PDE7A: variants seen among roughly 807,000 people sequenced by gnomAD.
PDE7A encodes the protein phosphodiesterase 7A.
A neutral mutation model predicts 64.3 loss-of-function variants in PDE7A; 39 were observed. The observed-to-expected ratio is 0.61, with a 90% CI of 0.47 to 0.79. The LOEUF (loss-of-function observed/expected upper bound fraction) is 0.79, where lower values mean the gene tolerates loss of function less well. PDE7A is among the 30% of genes least tolerant of loss of function. PDE7A has a pLI of 0.00. For missense variants in PDE7A, 470 were observed against 582.8 expected (o/e 0.81, Z 1.99); for synonymous variants, 203 against 206.8 (o/e 0.98, Z 0.16).
intron 7 of PDE7A, among the ~76,000 whole-genome samples, chr8:65,729,963 T>C (rs1427000320): frequency 1.3e-5 from 2 of 151,756 alleles, no homozygotes; most frequent in African/African-American, 2.4e-5. Flanking sequence ...GACAAGGCGG[T>C]CCTCGCAGGG....
chr8:65,798,179 C>CATATATATATAT (rs1218978698), intron 1 of PDE7A, among the ~76,000 whole-genome samples: 5 of 118,910 alleles, frequency 4.2e-5, no homozygotes, highest in African/African-American at 1.5e-4. Flanking sequence ...TGTGTGTGTG[C>CATATATATATAT]ATATATATAT....
chr8:65,836,926 C>A (rs1416692539), intron 1 of PDE7A, among the ~76,000 whole-genome samples: 1 of 152,184 alleles, frequency 6.6e-6, no homozygotes, highest in Non-Finnish European at 1.5e-5. Flanking sequence ...CCTACATTCA[C>A]CCATTTGTCT....
chr8:65,775,133 T>C (rs914439851), intron 3 of PDE7A, among the ~76,000 whole-genome samples: 2 of 152,212 alleles, frequency 1.3e-5, no homozygotes, highest in African/African-American at 4.8e-5. Context: ...TCTTTATCTG[T>C]GGTGTTTTCC....
rs372361066 is a variant in PDE7A at position 65,788,856 on chromosome 8, C to T, written c.139-6013G>A. 16 of 1,452,292 alleles carry T rather than the reference C, an allele frequency of 1.1e-5. No homozygotes were observed. The African/African-American group carries it at 2.1e-4, about 19-fold the overall frequency. 90.0% of individuals were successfully genotyped at this position (1,452,292 alleles called of 1,614,324 possible). On this transcript the variant is annotated intron_variant, in intron 1 of 12. Coordinates refer to ENST00000401827, the MANE Select transcript of PDE7A (RefSeq NM_001242318.3). ...ATATGTAAACTAATGATGAATGTCA[C>T]CATCCTAAAAATAAAGATGGCCTAC... is the stretch of plus-strand genomic sequence containing the variant.
chr8:65,827,803 A>G (rs1266900281), intron 1 of PDE7A, among the ~76,000 whole-genome samples: 1 of 152,206 alleles, frequency 6.6e-6, no homozygotes, highest in African/African-American at 2.4e-5. Flanking sequence ...AGGCTATGCT[A>G]TCTAGATTTG....
At chr8:65,817,792 G>T (rs1330083332) in intron 1 of PDE7A, among the ~76,000 whole-genome samples, 1 of 138,950 alleles carries the variant, frequency 7.2e-6, no homozygotes, top group Admixed American at 7.7e-5. Flanking sequence ...TCACTCTGTC[G>T]CCCAGGCTGG....
At chr8:65,730,171 C>CTTCTTTTTTTTTTTTTTTTTTTTTTTTTT (rs1295965698) in intron 7 of PDE7A, among the ~76,000 whole-genome samples, 2 of 86,448 alleles carry the variant, frequency 2.3e-5, no homozygotes, top group African/African-American at 9.6e-5. Context: ...TTGCGCACTT[C>CTTCTTTTTTTTTTTTTTTTTTTTTTTTTT]TTTTTTTTTT....
chr8:65,741,230 C>T (rs1464065585), intron 5 of PDE7A, among the ~76,000 whole-genome samples: 3 of 152,188 alleles, frequency 2.0e-5, no homozygotes, highest in African/African-American at 7.2e-5. Flanking sequence ...AAGTAGACTA[C>T]ATCCTTCACA....
In PDE7A at chr8:65,716,169, G is replaced by A. The variant is rs1585813176; in HGVS notation, c.*3121C>T. Among the ~76,000 whole-genome samples the A allele has an allele frequency of 6.1e-5, 9 of 147,648 alleles. No homozygotes were observed. In the South Asian group the frequency reaches 1.5e-3, roughly 25 times the overall value. On this transcript the variant is annotated 3_prime_UTR_variant, in exon 13 of 13. Transcript: ENST00000401827. The stretch of plus-strand genomic sequence containing the variant: ...GTCTCAAAAAAAAAAAAAAACAAAA[G>A]GGCTATAGAAGGTGATTCCCACATA...
intron 1 of PDE7A, among the ~76,000 whole-genome samples, chr8:65,816,262 A>G (rs1169458121): frequency 6.6e-6 from 1 of 152,248 alleles, no homozygotes; most frequent in African/African-American, 2.4e-5. Flanking sequence ...ATCACAGTCT[A>G]TTCTATGAAT....
chr8:65,719,664 C>T, intron 12 of PDE7A, 169 bp from the exon 13 acceptor site: 1 of 585,596 alleles, frequency 1.7e-6, no homozygotes, highest in South Asian at 2.2e-5. Flanking sequence ...ATGTACATAT[C>T]CACTTTGAAG....
At position 65,718,008 on chromosome 8, in the gene PDE7A, C is replaced by T. The variant is rs1048750500; in HGVS notation, c.*1282G>A. The T allele has an allele frequency of 2.6e-5, 4 of 152,158 alleles. No homozygotes were observed. The highest frequency in any genetic ancestry group is 7.2e-5 in the African/African-American group (3 of 41,432). The allele number at this position is 152,158 out of a possible 1,614,324, so 9.4% of individuals were successfully genotyped here. On this transcript the variant is annotated 3_prime_UTR_variant, in exon 13 of 13. Transcript: ENST00000401827. ...GTTTGTCCTAGAAAACATCTGTTCA[C>T]ATCAAAAGGCCCGTCAAAGGGTAAC...
At chr8:65,728,564 A>C (rs1405555772) in intron 7 of PDE7A, 2 of 152,234 alleles carry the variant, frequency 1.3e-5, no homozygotes, top group Non-Finnish European at 2.9e-5. Flanking sequence ...CCTCTTTAGG[A>C]TATACAAAAG....
chr8:65,745,300 G>C (rs1326567975), intron 5 of PDE7A, 107 bp downstream of exon 5: 1 of 725,036 alleles, frequency 1.4e-6, no homozygotes, highest in Non-Finnish European at 2.5e-6. Flanking sequence ...TTCCAGCAGA[G>C]GGCTAACAAC....
intron 7 of PDE7A, among the ~76,000 whole-genome samples, chr8:65,733,576 C>T (rs903281062): frequency 2.6e-5 from 4 of 151,954 alleles, no homozygotes; most frequent in Admixed American, 6.6e-5. Context: ...GCCATGATCA[C>T]GCCACTGCAC....
chr8:65,722,547 C>T (rs1158521077), intron 12 of PDE7A: 4 of 152,194 alleles, frequency 2.6e-5, no homozygotes, highest in African/African-American at 7.2e-5. Context: ...ACACCAGCTA[C>T]CAAAATTACA....
At chr8:65,756,677 C>T (rs963871628) in intron 3 of PDE7A, among the ~76,000 whole-genome samples, 1 of 151,972 alleles carries the variant, frequency 6.6e-6, no homozygotes, top group Non-Finnish European at 1.5e-5. Flanking sequence ...TCCATGTTTT[C>T]TTTTAGTTCA....
At chr8:65,727,826 CTG>C (rs975124037) in intron 7 of PDE7A, 1 of 152,242 alleles carries the variant, frequency 6.6e-6, no homozygotes, top group Non-Finnish European at 1.5e-5. Context: ...TATGTCAAGT[CTG>C]TGATAAAATC....
chr8:65,791,400 T>A (rs1809698608), intron 1 of PDE7A, among the ~76,000 whole-genome samples: 1 of 152,206 alleles, frequency 6.6e-6, no homozygotes, highest in Non-Finnish European at 1.5e-5. Context: ...AACAAATTTT[T>A]GCTAAATCAG....
Sources: gnomAD v4.1 joint callset for allele counts (sites outside exome capture counted in the v4.1 genomes callset) on GRCh38, gnomAD v4.1.1 for gene constraint, MANE v1.5 for transcripts, NCBI Gene and HGNC (gene_info 2026-07-23, HGNC 2026-07-21) for gene names.